Variants in HMGCLL1 observed in about 807,000 individuals in gnomAD.
HMGCLL1 encodes the protein 3-hydroxymethyl-3-methylglutaryl-CoA lyase, cytoplasmic.
HMGCLL1 carries 36 observed loss-of-function variants against 39.1 expected under a neutral mutation model. The observed-to-expected ratio is 0.92, with a 90% CI of 0.71 to 1.22. The LOEUF is 1.22. Among genes scored for constraint, HMGCLL1 ranks in the 50% most tolerant of loss-of-function variants. The pLI, the probability that HMGCLL1 is intolerant of heterozygous loss-of-function variation, is 0.00. For synonymous variants in HMGCLL1, 149 were observed against 144.0 expected (o/e 1.03, Z -0.25); for missense variants, 451 against 416.5 (o/e 1.08, Z -0.72).
At chr6:55,450,532 G>A (rs1341861611) in intron 7 of HMGCLL1, among the ~76,000 whole-genome samples, 1 of 152,184 alleles carries the variant, frequency 6.6e-6, no homozygotes, top group Non-Finnish European at 1.5e-5. Flanking sequence ...TATCACATAG[G>A]TTGGCACATA....
At chr6:55,519,787 C>T (rs894902702) in intron 3 of HMGCLL1, among the ~76,000 whole-genome samples, 1 of 151,802 alleles carries the variant, frequency 6.6e-6, no homozygotes, top group African/African-American at 2.4e-5. Flanking sequence ...TGTTCCTAAC[C>T]AAATACAGAT....
chr6:55,472,493 A>G (rs73447041), intron 7 of HMGCLL1, among the ~76,000 whole-genome samples: 12,152 of 151,596 alleles, frequency 0.08, 1,578 homozygotes, highest in African/African-American at 0.28. Context: ...TCATAGATTA[A>G]TAGGAGTTTT....
At chr6:55,642,425 T>C in the HMGCLL1 span, among the ~76,000 whole-genome samples, 1 of 152,140 alleles carries the variant, frequency 6.6e-6, no homozygotes, top group African/African-American at 2.4e-5. Context: ...TATAAAATTA[T>C]GAGTCAATCT....
At chr6:55,568,091 G>GTCT (rs1230178365) in intron 1 of HMGCLL1, among the ~76,000 whole-genome samples, 8 of 151,956 alleles carry the variant, frequency 5.3e-5, no homozygotes, top group Admixed American at 5.3e-4. Flanking sequence ...TTATTTTATG[G>GTCT]TCTGGTTTTG....
chr6:55,561,335 C>G (rs1232677752), intron 1 of HMGCLL1, among the ~76,000 whole-genome samples: 1 of 152,086 alleles, frequency 6.6e-6, no homozygotes, highest in Non-Finnish European at 1.5e-5. Flanking sequence ...AATAAGGGCC[C>G]TACAAGTAAA....
intron 7 of HMGCLL1, among the ~76,000 whole-genome samples, chr6:55,444,142 G>A: frequency 6.6e-6 from 1 of 151,990 alleles, no homozygotes; most frequent in East Asian, 1.9e-4. Flanking sequence ...AATGACAAAG[G>A]GAGTGTTATT....
upstream of HMGCLL1, among the ~76,000 whole-genome samples, chr6:55,583,487 T>C (rs1210316971): frequency 6.6e-6 from 1 of 152,084 alleles, no homozygotes; most frequent in Non-Finnish European, 1.5e-5. Flanking sequence ...AGAATGATGA[T>C]TTCCAATTTC....
At chr6:55,497,040 C>T (rs1333976118) in intron 6 of HMGCLL1, among the ~76,000 whole-genome samples, 3 of 152,008 alleles carry the variant, frequency 2.0e-5, no homozygotes, top group Admixed American at 1.3e-4. Context: ...TTATCTGGCT[C>T]ATAAATATAT....
At position 55,528,239 on chromosome 6, in the gene HMGCLL1, C is replaced by T. The variant is rs142500576; in HGVS notation, c.298-11636G>A. 2.1e-4 allele frequency among the ~76,000 whole-genome samples: 32 copies of T among 152,028 alleles called. No homozygotes were observed. In the East Asian group the frequency reaches 5.0e-3, roughly 24 times the overall value. The stretch of plus-strand genomic sequence containing the variant: ...GACAGTATTACTTTCTATATGCAGG[C>T]GTACAACAGGAAAGAGACATAGAGC... On this transcript the variant is annotated intron_variant, in intron 3 of 8. Transcript: ENST00000274901.
At chr6:55,593,458 G>A in the HMGCLL1 span, among the ~76,000 whole-genome samples, 1 of 152,066 alleles carries the variant, frequency 6.6e-6, no homozygotes, top group East Asian at 1.9e-4. Context: ...AACTGCGTGT[G>A]GGAGAAGTGA....
chr6:55,435,620 T>C lies in HMGCLL1; in HGVS notation c.*42A>G, dbSNP rs754297606. ...ATGATTTTCAGATGAGTATTGTAGC[T>C]GAAATTGATCTTCTCAACGGTACGT... On this transcript the variant is annotated 3_prime_UTR_variant, in exon 9 of 9. Transcript: ENST00000274901. The C allele has an allele frequency of 4.4e-6, 5 of 1,136,514 alleles. No homozygotes were observed. The highest frequency in any genetic ancestry group is 2.5e-5 in the East Asian group (1 of 40,284). 70.4% of individuals were successfully genotyped at this position (1,136,514 alleles called of 1,614,324 possible).
intron 7 of HMGCLL1, among the ~76,000 whole-genome samples, chr6:55,479,050 T>C (rs914621865): frequency 6.6e-6 from 1 of 151,538 alleles, no homozygotes; most frequent in East Asian, 1.9e-4. Context: ...CAGCTTTAAG[T>C]AGTTTTAATC....
the HMGCLL1 span, among the ~76,000 whole-genome samples, chr6:55,650,792 C>T: frequency 6.6e-6 from 1 of 152,080 alleles, no homozygotes; most frequent in Non-Finnish European, 1.5e-5. Flanking sequence ...TTTCCATAGG[C>T]AGAGGAGCCT....
At chr6:55,480,056 G>A (rs987943349) in intron 7 of HMGCLL1, among the ~76,000 whole-genome samples, 2 of 151,548 alleles carry the variant, frequency 1.3e-5, no homozygotes, top group African/African-American at 4.9e-5. Context: ...CACAGTTTGA[G>A]GTCTTAGATT....
the HMGCLL1 span, among the ~76,000 whole-genome samples, chr6:55,674,004 G>A: frequency 3.3e-5 from 5 of 151,880 alleles, no homozygotes; most frequent in African/African-American, 1.2e-4. Flanking sequence ...AAATTGTGTT[G>A]ATATCAATGA....
intron 3 of HMGCLL1, among the ~76,000 whole-genome samples, chr6:55,521,084 C>A (rs952017340): frequency 2.6e-5 from 4 of 152,076 alleles, no homozygotes; most frequent in African/African-American, 9.7e-5. Flanking sequence ...GGATAGTTCA[C>A]ACTATACACA....
At position 55,475,926 on chromosome 6, in the gene HMGCLL1, CTCTTT is replaced by C. The variant is rs140221930; in HGVS notation, c.795+19488_795+19492del. On this transcript the variant is annotated intron_variant, in intron 7 of 8. Transcript: ENST00000274901. ...ATATGTCTGAATTTCTTTCTCAGCT[CTCTTT>C]TCTTTGTGGTCTATATGCCCATTCT... Among the ~76,000 whole-genome samples the C allele has an allele frequency of 2.5e-3, 383 of 151,672 alleles. 2 individuals are homozygous for C. Among genetic ancestry groups the C allele is most frequent in the African/African-American group, 8.9e-3 (369 of 41,476 alleles).
At chr6:55,512,926 T>C (rs1276458071) in intron 5 of HMGCLL1, 1 of 152,128 alleles carries the variant, frequency 6.6e-6, no homozygotes, top group Non-Finnish European at 1.5e-5. Context: ...GCTAATGTCT[T>C]AGAAACAAAT....
chr6:55,501,699 CA>C (rs1766901774), intron 5 of HMGCLL1, among the ~76,000 whole-genome samples: 1 of 151,702 alleles, frequency 6.6e-6, no homozygotes, highest in Non-Finnish European at 1.5e-5. Context: ...ACAATTAAAC[CA>C]GAAACCTAGT....
Sources: allele counts gnomAD v4.1 joint callset (sites outside exome capture counted in the v4.1 genomes callset), GRCh38; gene constraint gnomAD v4.1.1; transcripts MANE v1.5; gene names NCBI Gene and HGNC (gene_info 2026-07-23, HGNC 2026-07-21).